The following CADM2 variants were observed in gnomAD, a reference collection of about 807,000 sequenced individuals.
CADM2 encodes cell adhesion molecule 2, also known as immunoglobulin superfamily member 4D.
In CADM2, 12 loss-of-function variants were observed where a neutral mutation model predicts 49.8. The ratio of observed to expected loss-of-function variants is 0.24; its 90% CI spans 0.15 to 0.39. CADM2 has a LOEUF of 0.39. CADM2 is among the 10% of genes least tolerant of loss of function. CADM2 has a pLI of 1.00. For synonymous variants in CADM2, 214 were observed against 175.4 expected (o/e 1.22, Z -1.74); for missense variants, 378 against 492.3 (o/e 0.77, Z 2.20).
chr3:85,480,433 T>C (rs767429343), intron 1 of CADM2, among the ~76,000 whole-genome samples: 2 of 151,870 alleles, frequency 1.3e-5, no homozygotes, highest in Admixed American at 6.6e-5. Flanking sequence ...CAAGTTACCA[T>C]GTGCCTCACA....
intron 1 of CADM2, among the ~76,000 whole-genome samples, chr3:85,025,207 C>A (rs919895263): frequency 2.4e-4 from 37 of 152,028 alleles, no homozygotes; most frequent in African/African-American, 8.5e-4. Flanking sequence ...CTTTCATGTT[C>A]CAGTTGAGTT....
chr3:85,518,728 T>C (rs1353290595), intron 1 of CADM2, among the ~76,000 whole-genome samples: 1 of 152,092 alleles, frequency 6.6e-6, no homozygotes, highest in Admixed American at 6.6e-5. Context: ...TCACTTTGCC[T>C]CCTCCTTTTT....
chr3:86,024,026 A>C (rs924988940), intron 8 of CADM2, among the ~76,000 whole-genome samples: 4 of 152,220 alleles, frequency 2.6e-5, no homozygotes, highest in Non-Finnish European at 5.9e-5. Flanking sequence ...CCATTCACCC[A>C]GAGTTCTATT....
At chr3:85,364,232 T>G (rs545832177) in intron 1 of CADM2, among the ~76,000 whole-genome samples, 1 of 152,350 alleles carries the variant, frequency 6.6e-6, no homozygotes, top group African/African-American at 2.4e-5. Context: ...AGCACTCTAC[T>G]ATATCAATTT....
At chr3:85,424,456 C>T (rs967506984) in intron 1 of CADM2, among the ~76,000 whole-genome samples, 1 of 151,932 alleles carries the variant, frequency 6.6e-6, no homozygotes, top group Non-Finnish European at 1.5e-5. Flanking sequence ...ATACATAAAA[C>T]TACTATTCTT....
chr3:85,871,989 A>G (rs1483714075), intron 3 of CADM2, among the ~76,000 whole-genome samples: 3 of 152,144 alleles, frequency 2.0e-5, no homozygotes, highest in Non-Finnish European at 4.4e-5. Flanking sequence ...TATTTTTCTT[A>G]TTCTCTCCTG....
chr3:85,944,599 G>A (rs985101906), intron 7 of CADM2, among the ~76,000 whole-genome samples: 1 of 151,982 alleles, frequency 6.6e-6, no homozygotes, highest in African/African-American at 2.4e-5. Context: ...AGTCAAACTA[G>A]AACTCAGGAT....
chr3:85,046,761 T>G (rs1047577646), intron 1 of CADM2, among the ~76,000 whole-genome samples: 2 of 152,048 alleles, frequency 1.3e-5, no homozygotes, highest in African/African-American at 4.8e-5. Context: ...TTAAAATGCT[T>G]TCCAAGGATT....
At chr3:85,793,580 C>A (rs2071459190) in intron 2 of CADM2, among the ~76,000 whole-genome samples, 1 of 152,120 alleles carries the variant, frequency 6.6e-6, no homozygotes, top group South Asian at 2.1e-4. Flanking sequence ...TTAAAATACA[C>A]CCTCTGTGGT....
intron 1 of CADM2, among the ~76,000 whole-genome samples, chr3:85,550,533 C>T (rs2061776275): frequency 6.6e-6 from 1 of 152,164 alleles, no homozygotes; most frequent in Non-Finnish European, 1.5e-5. Flanking sequence ...GTCTGGTACA[C>T]TCTCAAGTTT....
intron 1 of CADM2, among the ~76,000 whole-genome samples, chr3:85,309,547 G>A (rs895618800): frequency 1.3e-5 from 2 of 152,146 alleles, no homozygotes; most frequent in African/African-American, 4.8e-5. Context: ...CTGGAACATA[G>A]CAAGCACTCA....
chr3:85,614,692 C>G (rs555879878), intron 1 of CADM2, among the ~76,000 whole-genome samples: 15 of 151,866 alleles, frequency 9.9e-5, no homozygotes, highest in African/African-American at 2.7e-4. Context: ...CTTACGTTGG[C>G]CCCTATGTCT....
chr3:85,519,508 A>ATT (rs2060982578), intron 1 of CADM2, among the ~76,000 whole-genome samples: 1 of 152,032 alleles, frequency 6.6e-6, no homozygotes, highest in Non-Finnish European at 1.5e-5. Flanking sequence ...TCTTTTGTTT[A>ATT]TATTGGAATA....
chr3:86,051,148 C>T (rs139693164), intron 8 of CADM2, among the ~76,000 whole-genome samples: 11 of 152,272 alleles, frequency 7.2e-5, no homozygotes, highest in African/African-American at 2.6e-4. Context: ...CAGATCAAAT[C>T]TTGAATGCTC....
intron 1 of CADM2, among the ~76,000 whole-genome samples, chr3:85,524,267 T>G (rs979189068): frequency 6.6e-6 from 1 of 152,116 alleles, no homozygotes; most frequent in African/African-American, 2.4e-5. Flanking sequence ...TTGTGTATAA[T>G]TTTTTCTTCT....
In CADM2 at chr3:85,693,566, C is replaced by CAAAA. The variant is rs562723713; in HGVS notation, c.62-32941_62-32938dup. Among the ~76,000 whole-genome samples the CAAAA allele has an allele frequency of 7.4e-4, 56 of 76,086 alleles. 1 individual carries two copies. Among genetic ancestry groups the CAAAA allele is most frequent in the African/African-American group, 1.6e-3 (29 of 18,302 alleles). The allele number at this position is 76,086 out of a possible 152,430, so 49.9% of individuals were successfully genotyped here. ...CTGCAGTCCTGCCTCGGCGAAAGAG[C>CAAAA]AAAAAAAAAAAAAAAAAAGAAAAGA... is the stretch of plus-strand genomic sequence containing the variant. On this transcript the variant is annotated intron_variant, in intron 1 of 9. Coordinates refer to ENST00000383699, the MANE Select transcript of CADM2 (RefSeq NM_001167675.2).
chr3:86,063,883 A>T (rs1738991408), intron 8 of CADM2, among the ~76,000 whole-genome samples: 1 of 152,136 alleles, frequency 6.6e-6, no homozygotes, highest in Admixed American at 6.6e-5. Context: ...CTGGGAGAGC[A>T]GGAAGTACAC....
At chr3:85,730,363 C>T (rs936543791) in intron 2 of CADM2, among the ~76,000 whole-genome samples, 2 of 151,954 alleles carry the variant, frequency 1.3e-5, no homozygotes, top group South Asian at 4.1e-4. Context: ...AATCTCTTGA[C>T]CCAGGGAGGC....
At chr3:85,854,215 A>G (rs1473774278) in intron 3 of CADM2, among the ~76,000 whole-genome samples, 1 of 152,172 alleles carries the variant, frequency 6.6e-6, no homozygotes, top group Non-Finnish European at 1.5e-5. Flanking sequence ...AACCACTCTA[A>G]AAGTGCTTAT....
Sources: gnomAD v4.1 joint callset for allele counts (sites outside exome capture counted in the v4.1 genomes callset) on GRCh38, gnomAD v4.1.1 for gene constraint, MANE v1.5 for transcripts, NCBI Gene and HGNC (gene_info 2026-07-23, HGNC 2026-07-21) for gene names.